Variants in RINT1 observed in about 807,000 individuals in gnomAD.
RINT1 encodes RAD50 interactor 1.
Under a neutral mutation model 97.7 loss-of-function variants are expected in RINT1, and 75 were observed. That is an observed-to-expected ratio of 0.77 (90% confidence interval 0.64 to 0.93). The LOEUF (loss-of-function observed/expected upper bound fraction) is 0.93, where lower values mean the gene tolerates loss of function less well. Among genes scored for constraint, RINT1 ranks in the 40% least tolerant of loss-of-function variants. The pLI, the probability that RINT1 is intolerant of heterozygous loss-of-function variation, is 0.00. For synonymous variants in RINT1, 303 were observed against 326.3 expected, an observed-to-expected ratio of 0.93 and a Z score of 0.77; for missense variants, 892 against 925.2, an observed-to-expected ratio of 0.96 and a Z score of 0.47.
intron 3 of RINT1, among the ~76,000 whole-genome samples, chr7:105,538,289 C>T (rs575411439): frequency 6.6e-6 from 1 of 152,124 alleles, no homozygotes; most frequent in Non-Finnish European, 1.5e-5. Flanking sequence ...CCACACCCGG[C>T]CAAGATAAAA....
At position 105,565,411 on chromosome 7, in the gene RINT1, T is replaced by G; in HGVS notation, c.2021T>G (p.Phe674Cys). The G allele has an allele frequency of 6.2e-7, 1 of 1,614,230 alleles. No individual in the cohort carries two copies. The highest frequency in any genetic ancestry group is 1.1e-5 in the South Asian group (1 of 91,082). Residue 674 changes from phenylalanine (F) to cysteine (C), a missense_variant, in exon 13 of 15, where the codon TTC becomes TGC. Transcript: ENST00000257700. ...CTTTGTTTCTCCTTATTTAAAATTT[T>G]CTGGCAAATGCTTGTAGAGAAGCTG... ...QQLCFSLFKI[F>C]WQMLVEKLDV...
chr7:105,539,789 T>C (rs1790384545), intron 3 of RINT1, among the ~76,000 whole-genome samples: 1 of 152,230 alleles, frequency 6.6e-6, no homozygotes, highest in African/African-American at 2.4e-5. Flanking sequence ...ACAAGATCTT[T>C]AGGTGATTAA....
chr7:105,556,695 T>A (rs1235254979), intron 11 of RINT1, among the ~76,000 whole-genome samples: 2 of 35,106 alleles, frequency 5.7e-5, no homozygotes, highest in Non-Finnish European at 1.2e-4. Flanking sequence ...TCTGACAAGA[T>A]TTGATCTGCC....
rs79858161 is a variant in RINT1, at chr7:105,563,898, C to T, written c.1837C>T (p.His613Tyr). Residue 613 changes from histidine (H) to tyrosine (Y), a missense_variant, in exon 12 of 15, where the codon CAC becomes TAC. Coordinates refer to ENST00000257700, the MANE Select transcript of RINT1 (RefSeq NM_021930.6). ...KHDMLTRQVD[H>Y]VFREVKDAAK... ...TGATATGTTGACCCGTCAAGTAGAC[C>T]ACGTTTTTAGAGAAGTTAAAGATGC... 16 of 1,613,942 alleles carry T rather than the reference C, an allele frequency of 9.9e-6. No homozygotes were observed. In the East Asian group the frequency reaches 3.6e-4, roughly 36 times the overall value.
intron 6 of RINT1, among the ~76,000 whole-genome samples, chr7:105,548,272 TGATTA>T (rs933645648): frequency 6.9e-4 from 105 of 151,958 alleles, no homozygotes; most frequent in African/African-American, 2.5e-3. Flanking sequence ...GTGGCCCAAG[TGATTA>T]GCCTGCTTCA....
Position 105,565,611 on chromosome 7 carries a change from T to G in RINT1, c.2149T>G (p.Ser717Ala), listed in dbSNP as rs1060503047. 6.2e-6 allele frequency: 10 copies of G among 1,613,552 alleles called. No individual in the cohort carries two copies. Among genetic ancestry groups the G allele is most frequent in the Non-Finnish European group, 6.8e-6 (8 of 1,179,630 alleles). Reference sequence around the variant, plus strand: ...GACTCGGAATCTTTTCCCTTTGTTTTCTCACTATTGCAAGAGACCAGAAAA... The same window carrying G: ...GACTCGGAATCTTTTCCCTTTGTTTGCTCACTATTGCAAGAGACCAGAAAA... ...DMTRNLFPLF[S>A]HYCKRPENYF... The change falls in exon 14 of 15, where the codon TCT becomes GCT. Residue 717 changes from serine (S) to alanine (A), a missense_variant. Physicochemically the swap from Ser to Ala is moderately conservative, Grantham distance 99 (BLOSUM62 1). Transcript: ENST00000257700.
intron 11 of RINT1, 144 bp downstream of exon 11, chr7:105,555,371 A>G: frequency 1.7e-6 from 1 of 598,354 alleles, no homozygotes; most frequent in East Asian, 2.9e-5. Flanking sequence ...TGTAATTAAA[A>G]TACACATTTT....
chr7:105,565,202 C>T, intron 12 of RINT1, 75 bp from the exon 13 acceptor site: 1 of 1,386,340 alleles, frequency 7.2e-7, no homozygotes, highest in Non-Finnish European at 9.8e-7. Context: ...AACACTTCCT[C>T]AAATTTAAAA....
chr7:105,549,954 T>G, intron 7 of RINT1, 101 bp from the exon 8 acceptor site: 1 of 705,662 alleles, frequency 1.4e-6, no homozygotes, highest in Non-Finnish European at 2.3e-6. Context: ...TTTCAACTAA[T>G]TTTTATAAGT....
rs986540926 is a variant in RINT1, at chr7:105,565,351, C to T, written c.1961C>T (p.Thr654Met). ...AGTTCGGCTTGCCCGTTGCTGCTGACGTTACGAGACCATTTACTTCAGTTG... is the reference window on the plus strand; with the variant it reads ...AGTTCGGCTTGCCCGTTGCTGCTGATGTTACGAGACCATTTACTTCAGTTG... The part of the protein sequence containing the change: ...LSSSACPLLL[T>M]LRDHLLQLEQ... Residue 654 changes from threonine to methionine, a missense_variant, in exon 13 of 15, where the codon ACG (threonine) becomes ATG (methionine). Coordinates refer to ENST00000257700, the MANE Select transcript of RINT1 (RefSeq NM_021930.6). The T allele has an allele frequency of 1.2e-5, 19 of 1,614,184 alleles. No individual in the cohort carries two copies. Among genetic ancestry groups the T allele is most frequent in the Admixed American group, 3.3e-5 (2 of 60,016 alleles).
At chr7:105,565,056 TTG>T in intron 12 of RINT1, 1 of 405,178 alleles carries the variant, frequency 2.5e-6, no homozygotes, top group Non-Finnish European at 4.4e-6. Context: ...ATATTAAAAT[TTG>T]GGGATATTTT....
At chr7:105,546,050 A>G (rs1020306579) in intron 4 of RINT1, among the ~76,000 whole-genome samples, 2 of 151,760 alleles carry the variant, frequency 1.3e-5, no homozygotes, top group African/African-American at 4.8e-5. Context: ...GCTGGTCTCA[A>G]ACTCCTGACC....
intron 4 of RINT1, 125 bp downstream of exon 4, chr7:105,542,774 G>T: frequency 2.0e-6 from 2 of 1,019,276 alleles, no homozygotes. Flanking sequence ...TTTACCAGTT[G>T]TTGTGAAAAT....
At position 105,547,346 on chromosome 7, in the gene RINT1, C is replaced by T. The variant is rs1433228807; in HGVS notation, c.839+13C>T. On this transcript the variant is annotated intron_variant, in intron 6 of 14. Coordinates refer to ENST00000257700, the MANE Select transcript of RINT1 (RefSeq NM_021930.6). ...AACTACAAACCTCGTATCTTTGTTG[C>T]AGCTGAAAACTTACTAAAATTTCTT... The T allele has an allele frequency of 6.2e-7, 1 of 1,608,488 alleles. No individual in the cohort carries two copies. The highest frequency in any genetic ancestry group is 1.3e-5 in the African/African-American group (1 of 74,608).
At chr7:105,559,400 G>A (rs1320074135) in intron 11 of RINT1, among the ~76,000 whole-genome samples, 4 of 152,056 alleles carry the variant, frequency 2.6e-5, no homozygotes, top group African/African-American at 9.7e-5. Flanking sequence ...AACTAGCCAG[G>A]CATGGTGGTG....
intron 3 of RINT1, among the ~76,000 whole-genome samples, chr7:105,538,231 T>C (rs1230861079): frequency 6.6e-6 from 1 of 152,148 alleles, no homozygotes; most frequent in African/African-American, 2.4e-5. Flanking sequence ...GACCTCGTGA[T>C]CCGCCTGCCT....
chr7:105,564,339 G>T (rs1008916953), intron 12 of RINT1, among the ~76,000 whole-genome samples: 1 of 151,968 alleles, frequency 6.6e-6, no homozygotes, highest in Non-Finnish European at 1.5e-5. Context: ...CACCTGCCTC[G>T]GCCTCCCAAA....
rs763396368 is a variant in RINT1 at position 105,551,622 on chromosome 7, G to C, written c.1386G>C (p.Ser462=). 1.2e-6 allele frequency: 2 copies of C among 1,609,996 alleles called. No homozygotes were observed. The highest frequency in any genetic ancestry group is 3.4e-5 in the Admixed American group (2 of 59,558). ...TTTCCTCAGAAGCTGCCTGGGTATCGCAATATAAGGATATCACTGACGTGG... is the reference window on the plus strand; with the variant it reads ...TTTCCTCAGAAGCTGCCTGGGTATCCCAATATAAGGATATCACTGACGTGG... ...SMLSSEAAWV[S]QYKDITDVDE... The change falls in exon 10 of 15, where the codon TCG becomes TCC. Residue 462 remains serine, a synonymous_variant. Transcript: ENST00000257700.
rs767354831 is a variant in RINT1, at chr7:105,563,931, T to C, written c.1870T>C (p.Leu624=). ...TAGAGAAGTTAAAGATGCTGCAAAA[T>C]TGTATAAAAAAGAAAGGTATGTCCT... ...VFREVKDAAK[L]YKKERWLSLP... is the part of the protein sequence containing the mutation. Residue 624 remains leucine, a synonymous_variant, in exon 12 of 15, where the codon TTG becomes CTG. Coordinates refer to ENST00000257700, the MANE Select transcript of RINT1 (RefSeq NM_021930.6). The C allele has an allele frequency of 5.1e-5, 82 of 1,613,652 alleles. No homozygotes were observed. The highest frequency in any genetic ancestry group is 6.8e-5 in the Non-Finnish European group (80 of 1,179,788).
Sources: allele counts gnomAD v4.1 joint callset (sites outside exome capture counted in the v4.1 genomes callset), GRCh38; gene constraint gnomAD v4.1.1; transcripts MANE v1.5; gene names NCBI Gene and HGNC (gene_info 2026-07-23, HGNC 2026-07-21).